The following ADCY9 variants were observed in gnomAD, a reference collection of about 807,000 sequenced individuals.
The protein encoded by ADCY9 is adenylate cyclase 9, also known as adenylate cyclase type 9.
ADCY9 carries 50 observed loss-of-function variants against 101.5 expected under a neutral mutation model. That is an observed-to-expected ratio of 0.49 (90% CI 0.39 to 0.62). ADCY9 has a LOEUF of 0.62. ADCY9 is among the 20% of genes least tolerant of loss of function. The pLI is 0.00. For synonymous variants in ADCY9, 905 were observed against 769.3 expected (o/e 1.18, Z -2.92); for missense variants, 1,662 against 1,800.4 (o/e 0.92, Z 1.39).
chr16:3,992,900 GC>G lies in ADCY9; in HGVS notation c.1989+505del. On this transcript the variant is annotated intron_variant, in intron 4 of 10. Transcript: ENST00000294016. The surrounding 1 kb of genome is among the most constrained non-coding windows in gnomAD (Gnocchi z 4.2). Reference sequence around the variant, plus strand: ...GAGAGCAGATGGAGGACGAGAGCCCGCGCCCCAGGTGAGTCGCCTGCATGAG... The same window carrying G: ...GAGAGCAGATGGAGGACGAGAGCCCGGCCCCAGGTGAGTCGCCTGCATGAG... 6.6e-6 allele frequency among the ~76,000 whole-genome samples: 1 copy of G among 152,096 alleles called. No individual in the cohort carries two copies. Among genetic ancestry groups the G allele is most frequent in the Non-Finnish European group, 1.5e-5 (1 of 68,020 alleles).
At chr16:4,017,643 C>CAAAAAAAAA (rs60693958) in intron 2 of ADCY9, among the ~76,000 whole-genome samples, 2 of 87,262 alleles carry the variant, frequency 2.3e-5, no homozygotes, top group Non-Finnish European at 2.5e-5. Context: ...AACTCCTTCT[C>CAAAAAAAAA]AAAAAAAAAA....
At chr16:4,078,744 C>T (rs111397099) in intron 2 of ADCY9, among the ~76,000 whole-genome samples, 62 of 151,902 alleles carry the variant, frequency 4.1e-4, no homozygotes, top group African/African-American at 1.4e-3. Context: ...AGAAATATCA[C>T]GATTGAAAGA....
Position 4,113,771 on chromosome 16 carries a change from C to T in ADCY9, c.1672G>A (p.Val558Met), listed in dbSNP as rs767419142. 3.1e-6 allele frequency: 5 copies of T among 1,613,260 alleles called. No homozygotes were observed. Among genetic ancestry groups the T allele is most frequent in the East Asian group, 4.5e-5 (2 of 44,850 alleles). ...ATACCTTTCAACTGGTCAGCAACCA[C>T]GCTCTGGCCCAGCCGTTCAATAACT... ...GKVIERLGQSVVADQLKGLKT... is the reference protein window; with the variant it reads ...GKVIERLGQSMVADQLKGLKT... The change falls in exon 2 of 11, where the codon GTG (valine) becomes ATG (methionine). Residue 558 changes from valine to methionine, a missense_variant. Physicochemically the swap from Val to Met is conservative, Grantham distance 21. This residue lies in a region of ADCY9 where 624 missense variants were observed against 639.1 expected (regional missense o/e 0.98). Coordinates refer to ENST00000294016, the MANE Select transcript of ADCY9 (RefSeq NM_001116.4).
chr16:3,990,510 C>T (rs1202261281), intron 5 of ADCY9, among the ~76,000 whole-genome samples: 8 of 151,972 alleles, frequency 5.3e-5, no homozygotes, highest in Non-Finnish European at 1.0e-4. Context: ...TGTCAAGTGC[C>T]TCATGTGCCC....
chr16:4,016,891 G>A (rs950968676), intron 2 of ADCY9, among the ~76,000 whole-genome samples: 4 of 152,166 alleles, frequency 2.6e-5, no homozygotes, highest in Admixed American at 1.3e-4. Context: ...GTAAAATTAG[G>A]TTGTGGTGAT....
At chr16:4,024,804 A>G (rs2056503111) in intron 2 of ADCY9, among the ~76,000 whole-genome samples, 1 of 152,122 alleles carries the variant, frequency 6.6e-6, no homozygotes, top group African/African-American at 2.4e-5. Flanking sequence ...GAGTGAGACC[A>G]GAAGAAGTAA....
intron 9 of ADCY9, among the ~76,000 whole-genome samples, chr16:3,977,182 C>T (rs2056099118): frequency 6.6e-6 from 1 of 152,222 alleles, no homozygotes; most frequent in Non-Finnish European, 1.5e-5. Context: ...TAGATTCCAG[C>T]CCATTCATCA....
chr16:4,071,560 T>C (rs1162967267), intron 2 of ADCY9, among the ~76,000 whole-genome samples: 2 of 152,038 alleles, frequency 1.3e-5, no homozygotes, highest in Non-Finnish European at 2.9e-5. Context: ...AAATTGGTCT[T>C]ACTATTATAT....
chr16:3,959,357 T>C (rs1324783630), downstream of ADCY9, among the ~76,000 whole-genome samples: 2 of 92,772 alleles, frequency 2.2e-5, no homozygotes, highest in Non-Finnish European at 2.5e-5. Context: ...GTGAGACTCT[T>C]ATCTCAAAAA....
chr16:3,971,361 C>T (rs913950260), intron 10 of ADCY9, among the ~76,000 whole-genome samples: 3 of 152,158 alleles, frequency 2.0e-5, no homozygotes, highest in Admixed American at 6.6e-5. Context: ...GTAATCACAG[C>T]GGTGAGAGAG....
intron 2 of ADCY9, among the ~76,000 whole-genome samples, chr16:4,052,950 C>A (rs1046608146): frequency 6.6e-6 from 1 of 152,170 alleles, no homozygotes; most frequent in Non-Finnish European, 1.5e-5. Context: ...CGGGGAACAA[C>A]AGATTCTTTG....
intron 5 of ADCY9, among the ~76,000 whole-genome samples, chr16:3,989,320 G>A (rs1270109290): frequency 6.6e-6 from 1 of 151,606 alleles, no homozygotes; most frequent in South Asian, 2.1e-4. Context: ...TTTCACCTTC[G>A]TTAAAGAATG....
At chr16:3,972,234 C>CTT (rs34224958) in intron 10 of ADCY9, among the ~76,000 whole-genome samples, 4 of 144,566 alleles carry the variant, frequency 2.8e-5, no homozygotes, top group African/African-American at 1.0e-4. Context: ...TTTTTCTTTT[C>CTT]TTTTTTTTTT....
intron 2 of ADCY9, among the ~76,000 whole-genome samples, chr16:4,031,278 G>A (rs964873308): frequency 2.6e-5 from 4 of 152,172 alleles, no homozygotes; most frequent in African/African-American, 9.7e-5. Flanking sequence ...ATTTAAGGGT[G>A]CAGGGCCACA....
chr16:4,031,111 T>C (rs932943782), intron 2 of ADCY9, among the ~76,000 whole-genome samples: 2 of 152,184 alleles, frequency 1.3e-5, no homozygotes, highest in Non-Finnish European at 2.9e-5. Context: ...ATGAACACCA[T>C]AAAAGCTCTA....
intron 2 of ADCY9, among the ~76,000 whole-genome samples, chr16:4,049,525 T>G (rs973815767): frequency 1.3e-5 from 2 of 152,202 alleles, no homozygotes; most frequent in Admixed American, 6.5e-5. Flanking sequence ...ACCTTCAGTC[T>G]CTGTAGTCTA....
chr16:4,041,431 G>A (rs1192010992), intron 2 of ADCY9, among the ~76,000 whole-genome samples: 1 of 150,460 alleles, frequency 6.6e-6, no homozygotes, highest in Non-Finnish European at 1.5e-5. Flanking sequence ...TTAAACCCAG[G>A]AGGCAGAAGT....
At chr16:4,078,594 T>C (rs904931206) in intron 2 of ADCY9, among the ~76,000 whole-genome samples, 6 of 147,834 alleles carry the variant, frequency 4.1e-5, no homozygotes, top group Admixed American at 1.3e-4. Flanking sequence ...AACATAAAAG[T>C]ATTAGAAGAA....
intron 2 of ADCY9, among the ~76,000 whole-genome samples, chr16:4,072,842 A>G (rs1325411028): frequency 4.6e-5 from 7 of 152,058 alleles, no homozygotes; most frequent in Non-Finnish European, 8.8e-5. Flanking sequence ...GGAATTGGGA[A>G]ACATATTACA....
Sources: allele counts gnomAD v4.1 joint callset (sites outside exome capture counted in the v4.1 genomes callset), GRCh38; gene constraint gnomAD v4.1.1; regional missense constraint gnomAD v4.1.1; non-coding constraint Gnocchi (gnomAD v3.1); transcripts MANE v1.5; gene names NCBI Gene and HGNC (gene_info 2026-07-23, HGNC 2026-07-21).